The following GSE1 variants were observed in gnomAD, a reference collection of about 807,000 sequenced individuals.
The protein encoded by GSE1 is Gse1 coiled-coil protein, also known as genetic suppressor element 1.
In GSE1, 32 loss-of-function variants were observed where a neutral mutation model predicts 112.6. The ratio of observed to expected loss-of-function variants is 0.28; its 90% CI spans 0.21 to 0.38. GSE1 has a LOEUF of 0.38. Among genes scored for constraint, GSE1 ranks in the 10% least tolerant of loss-of-function variants. The pLI, the probability that GSE1 is intolerant of heterozygous loss-of-function variation, is 1.00. For missense variants in GSE1, 2,348 were observed against 1,699.2 expected, an observed-to-expected ratio of 1.38 and a Z score of -6.71; for synonymous variants, 1,115 against 735.6, an observed-to-expected ratio of 1.52 and a Z score of -8.35.
intron 3 of GSE1, among the ~76,000 whole-genome samples, chr16:85,652,010 C>T (rs1026869523): frequency 1.3e-5 from 2 of 152,212 alleles, no homozygotes; most frequent in Admixed American, 6.5e-5. Flanking sequence ...GGGCGTGAGG[C>T]AGGATCTAGA....
At chr16:85,246,779 G>A (rs1597181271) in intron 1 of GSE1, among the ~76,000 whole-genome samples, 1 of 152,194 alleles carries the variant, frequency 6.6e-6, no homozygotes, top group East Asian at 1.9e-4. Context: ...ACCCTCTGGG[G>A]GAGCCTCCCC....
chr16:85,613,376 G>C lies in GSE1; in HGVS notation c.-16G>C. On this transcript the variant is annotated 5_prime_UTR_variant, in exon 1 of 16. Transcript: ENST00000253458. Reference sequence around the variant, plus strand: ...TCCAGCATGTATCAGCCGAGGTGGAGCTGCGGGGCCCTGGCATGAAAGGTG... The same window carrying C: ...TCCAGCATGTATCAGCCGAGGTGGACCTGCGGGGCCCTGGCATGAAAGGTG... 1 of 1,569,376 alleles carries C rather than the reference G, an allele frequency of 6.4e-7. No homozygotes were observed. The highest frequency in any genetic ancestry group is 8.6e-7 in the Non-Finnish European group (1 of 1,158,234).
intron 1 of GSE1, among the ~76,000 whole-genome samples, chr16:85,572,471 A>ACACG (rs55730147): frequency 7.4e-6 from 1 of 134,880 alleles, no homozygotes; most frequent in Non-Finnish European, 1.6e-5. Flanking sequence ...CACAACACAC[A>ACACG]TCACACACAC....
At chr16:85,203,622 C>T (rs1387442669) in intron 1 of GSE1, among the ~76,000 whole-genome samples, 1 of 152,240 alleles carries the variant, frequency 6.6e-6, no homozygotes, top group Non-Finnish European at 1.5e-5. Context: ...CAAGGCCAAG[C>T]AGTGGGATTT....
In GSE1 at chr16:85,357,738, T is replaced by C. The variant is rs772870518; in HGVS notation, c.2464+95T>C. The C allele has an allele frequency of 2.9e-4, 218 of 762,508 alleles. No homozygotes were observed. In the Middle Eastern group the frequency reaches 3.7e-3, roughly 13 times the overall value. 47.2% of individuals were successfully genotyped at this position (762,508 alleles called of 1,614,324 possible). A position where few individuals can be genotyped will look rare whatever the true frequency, so the allele number is the denominator to read the frequency against. On this transcript the variant is annotated intron_variant, in intron 2 of 2. Coordinates refer to the GSE1 transcript ENST00000637419. The stretch of plus-strand genomic sequence containing the variant: ...CTCCCAGAGCCGAGTTCAGATACAG[T>C]TCCGCCTTGTGTCCTCGGCATCCTA...
At chr16:85,176,896 C>T (rs539705399) in intron 1 of GSE1, among the ~76,000 whole-genome samples, 19 of 152,378 alleles carry the variant, frequency 1.2e-4, no homozygotes, top group African/African-American at 4.1e-4. Flanking sequence ...CTCAGGGGGC[C>T]TGGCTGCCCC....
chr16:85,248,230 C>G (rs1403494103), intron 1 of GSE1, among the ~76,000 whole-genome samples: 3 of 152,212 alleles, frequency 2.0e-5, no homozygotes, highest in African/African-American at 7.2e-5. Context: ...GCTGCCTACT[C>G]CGCCTCGGCC....
intron 2 of GSE1, among the ~76,000 whole-genome samples, chr16:85,418,103 C>G (rs898997368): frequency 6.6e-6 from 1 of 152,216 alleles, no homozygotes; most frequent in African/African-American, 2.4e-5. Flanking sequence ...TCCCAAAGTA[C>G]TGGGATTACA....
chr16:85,635,621 C>G (rs1363595719), intron 2 of GSE1, among the ~76,000 whole-genome samples: 2 of 152,182 alleles, frequency 1.3e-5, no homozygotes, highest in South Asian at 2.1e-4. Context: ...AGAGCTGGCC[C>G]AGCTCCTGCT....
chr16:85,230,903 A>G (rs1166566979), intron 1 of GSE1, among the ~76,000 whole-genome samples: 1 of 151,172 alleles, frequency 6.6e-6, no homozygotes, highest in East Asian at 2.0e-4. Context: ...GGAAGGATGG[A>G]TAGAATGGAA....
intron 1 of GSE1, among the ~76,000 whole-genome samples, chr16:85,589,821 AAT>A (rs904862273): frequency 3.3e-4 from 47 of 144,318 alleles, no homozygotes; most frequent in African/African-American, 1.1e-3. Context: ...TGTGAGTGTG[AAT>A]ATGTGTGAAT....
chr16:85,478,915 C>T (rs1567520752), intron 2 of GSE1, among the ~76,000 whole-genome samples: 7 of 51,306 alleles, frequency 1.4e-4, no homozygotes, highest in East Asian at 4.0e-4. Flanking sequence ...TTCTTTCTTT[C>T]TTTCTTTCTT....
chr16:85,286,199 T>G (rs2045019655), intron 1 of GSE1, among the ~76,000 whole-genome samples: 1 of 152,222 alleles, frequency 6.6e-6, no homozygotes, highest in African/African-American at 2.4e-5. Context: ...TCCGAGCATG[T>G]TAGCGGGAGG....
chr16:85,248,526 C>G (rs779014751), intron 1 of GSE1, among the ~76,000 whole-genome samples: 1 of 144,746 alleles, frequency 6.9e-6, no homozygotes, highest in South Asian at 2.1e-4. Context: ...CTTTGCCTCT[C>G]TCTCTCTCTC....
At chr16:85,268,360 C>G (rs774446763) in intron 1 of GSE1, among the ~76,000 whole-genome samples, 4 of 152,154 alleles carry the variant, frequency 2.6e-5, no homozygotes, top group Non-Finnish European at 5.9e-5. Context: ...CTGCCAGGTC[C>G]CCACTGAGTG....
intron 2 of GSE1, among the ~76,000 whole-genome samples, chr16:85,397,979 G>A (rs1028359899): frequency 3.3e-5 from 5 of 152,046 alleles, no homozygotes; most frequent in African/African-American, 1.2e-4. Flanking sequence ...TCCGAATCGT[G>A]GGGGTGGGGT....
chr16:85,438,311 G>C (rs529729168), intron 2 of GSE1, among the ~76,000 whole-genome samples: 2 of 152,190 alleles, frequency 1.3e-5, no homozygotes, highest in Admixed American at 6.5e-5. Context: ...GTGTCTTTCC[G>C]GGTCTGTGCT....
chr16:85,670,788 G>A, intron 14 of GSE1: 1 of 379,880 alleles, frequency 2.6e-6, no homozygotes, highest in Non-Finnish European at 4.7e-6. Context: ...CTTTATTCCT[G>A]TGTATTGGGC....
chr16:85,482,451 G>C (rs1343728286), intron 2 of GSE1, among the ~76,000 whole-genome samples: 1 of 152,100 alleles, frequency 6.6e-6, no homozygotes, highest in Admixed American at 6.5e-5. Flanking sequence ...CTGACAACTC[G>C]AGCGACCCGC....
Sources: allele counts gnomAD v4.1 joint callset (sites outside exome capture counted in the v4.1 genomes callset), GRCh38; gene constraint gnomAD v4.1.1; transcripts MANE v1.5; gene names NCBI Gene and HGNC (gene_info 2026-07-23, HGNC 2026-07-21).